Variants in RBFOX1 observed in about 807,000 individuals in gnomAD.
RBFOX1 encodes RNA binding fox-1 homolog 1.
A neutral mutation model predicts 57.7 loss-of-function variants in RBFOX1; 8 were observed. That is an observed-to-expected ratio of 0.14 (90% CI 0.08 to 0.25). The LOEUF (loss-of-function observed/expected upper bound fraction) is 0.25, where lower values mean the gene tolerates loss of function less well. Among genes scored for constraint, RBFOX1 ranks in the 10% least tolerant of loss-of-function variants. RBFOX1 has a pLI of 1.00. For synonymous variants in RBFOX1, 326 were observed against 222.4 expected, an observed-to-expected ratio of 1.47 and a Z score of -4.15; for missense variants, 611 against 548.5, an observed-to-expected ratio of 1.11 and a Z score of -1.14.
At chr16:5,403,371 A>T (rs868144003) in intron 1 of RBFOX1, among the ~76,000 whole-genome samples, 1 of 151,606 alleles carries the variant, frequency 6.6e-6, no homozygotes, top group Non-Finnish European at 1.5e-5. Context: ...AAAAAAACAA[A>T]AAACAAACAA....
At chr16:7,256,228 C>T (rs1200918081) in intron 4 of RBFOX1, among the ~76,000 whole-genome samples, 2 of 152,190 alleles carry the variant, frequency 1.3e-5, no homozygotes, top group Non-Finnish European at 2.9e-5. Context: ...ACTCCCTTGC[C>T]TTCCAGCTCT....
At chr16:6,577,191 C>T (rs1226520977) in intron 2 of RBFOX1, 2 of 152,056 alleles carry the variant, frequency 1.3e-5, no homozygotes, top group African/African-American at 4.8e-5. Context: ...CAGGAAGCTC[C>T]CCACTCTTCC....
intron 2 of RBFOX1, among the ~76,000 whole-genome samples, chr16:6,478,582 C>T (rs1443098881): frequency 2.0e-5 from 3 of 151,234 alleles, no homozygotes; most frequent in African/African-American, 7.3e-5. Context: ...GTGTCTTCGT[C>T]ATGAAGCTTA....
At chr16:6,635,598 C>G (rs2098424904) in intron 2 of RBFOX1, among the ~76,000 whole-genome samples, 1 of 152,080 alleles carries the variant, frequency 6.6e-6, no homozygotes, top group East Asian at 1.9e-4. Flanking sequence ...AGCATAGGGT[C>G]TGGGAGGAAC....
intron 2 of RBFOX1, among the ~76,000 whole-genome samples, chr16:6,582,532 C>T (rs2097550381): frequency 2.0e-5 from 3 of 150,430 alleles, no homozygotes; most frequent in African/African-American, 7.3e-5. Context: ...GAGTCAGGTG[C>T]ATAAAACATC....
Position 7,615,386 on chromosome 16 carries a change from T to A in RBFOX1, c.676+8048T>A, listed in dbSNP as rs151273208. On this transcript the variant is annotated intron_variant, in intron 10 of 15. Coordinates refer to ENST00000550418, the MANE Select transcript of RBFOX1 (RefSeq NM_018723.4). ...ATGAAAACACATTTGCATTTAATAT[T>A]GTCTGCCACATGCCAGAGTTCATGT... 8.2e-3 allele frequency among the ~76,000 whole-genome samples: 1,244 copies of A among 152,270 alleles called. 11 individuals carry two copies. The highest frequency in any genetic ancestry group is 0.011 in the Non-Finnish European group (717 of 68,008).
At chr16:6,806,837 T>TATA (rs1491107829) in intron 3 of RBFOX1, among the ~76,000 whole-genome samples, 1,014 of 68,744 alleles carry the variant, frequency 0.015, 13 homozygotes, top group African/African-American at 0.043. Context: ...TATATATATA[T>TATA]TTTTTTTTTT....
rs11863804 is a variant in RBFOX1 at position 6,888,501 on chromosome 16, A to G, written c.-15-163556A>G. Among the ~76,000 whole-genome samples, 903 of 152,096 alleles carry G rather than the reference A, an allele frequency of 5.9e-3. 6 individuals carry two copies. Among genetic ancestry groups the G allele is most frequent in the African/African-American group, 0.019 (777 of 41,484 alleles). ...CAGGGGGAAATTAAATTCCCTTGCA[A>G]TTGCACTCTCTGTCTACCGAGAAAT... On this transcript the variant is annotated intron_variant, in intron 3 of 15. Coordinates refer to ENST00000550418, the MANE Select transcript of RBFOX1 (RefSeq NM_018723.4).
chr16:6,947,388 C>G (rs1479718253), intron 3 of RBFOX1, among the ~76,000 whole-genome samples: 1 of 152,170 alleles, frequency 6.6e-6, no homozygotes, highest in East Asian at 1.9e-4. Context: ...TAATCGCTCT[C>G]CCTGGTTTCC....
chr16:6,474,598 C>T (rs1365172911), intron 2 of RBFOX1, among the ~76,000 whole-genome samples: 2 of 152,166 alleles, frequency 1.3e-5, no homozygotes, highest in African/African-American at 4.8e-5. Flanking sequence ...TTCTATGCTA[C>T]TTTAGCATGG....
At chr16:5,861,274 G>A (rs185525522) in intron 3 of RBFOX1, among the ~76,000 whole-genome samples, 18 of 152,294 alleles carry the variant, frequency 1.2e-4, no homozygotes, top group African/African-American at 4.1e-4. Flanking sequence ...TTGGCTACAT[G>A]CTTACACCCC....
chr16:6,345,727 A>G (rs1270950392), intron 2 of RBFOX1, among the ~76,000 whole-genome samples: 1 of 152,232 alleles, frequency 6.6e-6, no homozygotes, highest in Non-Finnish European at 1.5e-5. Flanking sequence ...GTGAACCCAT[A>G]CAATCTAAGA....
At chr16:7,123,789 G>T (rs1011037998) in intron 4 of RBFOX1, among the ~76,000 whole-genome samples, 1 of 152,138 alleles carries the variant, frequency 6.6e-6, no homozygotes, top group African/African-American at 2.4e-5. Flanking sequence ...AATTTATAAA[G>T]TACATTGTTT....
intron 3 of RBFOX1, among the ~76,000 whole-genome samples, chr16:6,682,840 AAG>A (rs891267608): frequency 2.6e-5 from 4 of 151,218 alleles, no homozygotes; most frequent in African/African-American, 9.8e-5. Context: ...TAAAGGCAAA[AAG>A]AGAACATTTT....
intron 1 of RBFOX1, among the ~76,000 whole-genome samples, chr16:5,375,774 G>A (rs964994596): frequency 3.9e-5 from 6 of 152,318 alleles, no homozygotes; most frequent in South Asian, 2.1e-4. Context: ...CAGTGCGTTC[G>A]TCCCTGCACC....
At chr16:7,554,843 G>C (rs1242307657) in intron 5 of RBFOX1, among the ~76,000 whole-genome samples, 3 of 152,032 alleles carry the variant, frequency 2.0e-5, no homozygotes, top group African/African-American at 7.2e-5. Context: ...TATTAGTTCA[G>C]ACAATTAAGA....
chr16:6,732,111 G>C (rs1304732121), intron 3 of RBFOX1, among the ~76,000 whole-genome samples: 1 of 151,968 alleles, frequency 6.6e-6, no homozygotes, highest in Admixed American at 6.6e-5. Context: ...TCTTCCCTTT[G>C]CATCTGATTC....
intron 2 of RBFOX1, among the ~76,000 whole-genome samples, chr16:6,600,246 C>T (rs556078139): frequency 6.6e-6 from 1 of 152,122 alleles, no homozygotes; most frequent in African/African-American, 2.4e-5. Flanking sequence ...ATCCACCAGA[C>T]AGAATCTCGG....
At chr16:7,398,981 A>G (rs191238275) in intron 4 of RBFOX1, among the ~76,000 whole-genome samples, 3 of 152,338 alleles carry the variant, frequency 2.0e-5, no homozygotes, top group Admixed American at 2.0e-4. Context: ...GTTTGATGTC[A>G]AGGTGTCAAC....
Sources: allele counts gnomAD v4.1 joint callset (sites outside exome capture counted in the v4.1 genomes callset), GRCh38; gene constraint gnomAD v4.1.1; transcripts MANE v1.5; gene names NCBI Gene and HGNC (gene_info 2026-07-23, HGNC 2026-07-21).